The following FAM156A variants were observed in gnomAD, a reference collection of about 807,000 sequenced individuals.
FAM156A encodes protein FAM156A/FAM156B.
chrX:52,987,785 AC>A (rs1930400458), intron 1 of FAM156A, among the ~76,000 whole-genome samples: 1 of 112,335 alleles, frequency 8.9e-6, no homozygotes, highest in African/African-American at 3.2e-5. Flanking sequence ...TTATGTTTAC[AC>A]AAAAATCCAT....
intron 1 of FAM156A, among the ~76,000 whole-genome samples, chrX:52,989,842 G>A (rs1167847240): frequency 8.9e-6 from 1 of 112,378 alleles, no homozygotes; most frequent in Non-Finnish European, 1.9e-5. Flanking sequence ...GATCCAGGCT[G>A]GTGCCCTCAG....
intron 1 of FAM156A, among the ~76,000 whole-genome samples, chrX:52,987,420 C>T (rs953966574): frequency 9.0e-6 from 1 of 111,136 alleles, no homozygotes; most frequent in Non-Finnish European, 1.9e-5. Context: ...CCCAGAAGGT[C>T]GAGGCTGCAG....
intron 1 of FAM156A, among the ~76,000 whole-genome samples, chrX:52,990,167 AAG>A (rs1278672335): frequency 2.7e-5 from 3 of 110,606 alleles, no homozygotes; most frequent in African/African-American, 9.9e-5. Flanking sequence ...GTGAATGTTT[AAG>A]ACTGTTCCTC....
chrX:52,982,649 C>T (rs1181643576), intron 1 of FAM156A, among the ~76,000 whole-genome samples: 3 of 110,612 alleles, frequency 2.7e-5, no homozygotes, highest in African/African-American at 9.9e-5. Context: ...TATCATCTAC[C>T]GTCCTCTAGA....
At chrX:52,977,105 C>CATATATAT (rs59645649) in intron 1 of FAM156A, among the ~76,000 whole-genome samples, 9 of 97,614 alleles carry the variant, frequency 9.2e-5, no homozygotes, top group Non-Finnish European at 1.4e-4. Flanking sequence ...CACACACACA[C>CATATATAT]ATATATATAT....
intron 1 of FAM156A, among the ~76,000 whole-genome samples, chrX:52,986,733 T>A (rs1930319122): frequency 1.8e-5 from 2 of 110,869 alleles, no homozygotes; most frequent in Admixed American, 9.6e-5. Context: ...ACTAAAAAAA[T>A]CCTACACCTT....
intron 1 of FAM156A, among the ~76,000 whole-genome samples, chrX:52,983,672 A>T (rs1556793841): frequency 8.9e-6 from 1 of 112,403 alleles, no homozygotes; most frequent in East Asian, 2.8e-4. Flanking sequence ...GTGAATTCCC[A>T]GTCCCTTTCT....
At chrX:52,989,135 T>A (rs1483934755) in intron 1 of FAM156A, among the ~76,000 whole-genome samples, 1 of 111,434 alleles carries the variant, frequency 9.0e-6, no homozygotes, top group African/African-American at 3.3e-5. Flanking sequence ...AATGACTGCA[T>A]GTGGGTCGCA....
chrX:52,991,695 C>T (rs939522504), intron 1 of FAM156A, among the ~76,000 whole-genome samples: 38 of 112,348 alleles, frequency 3.4e-4, no homozygotes, highest in Non-Finnish European at 6.0e-4. Context: ...AGTATGGGGA[C>T]AATGACAGTT....
At chrX:52,974,968 CCTCAGGTCAGAAGCAAGA>C (rs1929336907) in intron 1 of FAM156A, among the ~76,000 whole-genome samples, 1 of 109,741 alleles carries the variant, frequency 9.1e-6, no homozygotes, top group African/African-American at 3.3e-5. Context: ...GCAGTTAGCT[CCTCAGGTCAGAAGCAAGA>C]CAGAGCAAGC....
chrX:52,994,083 C>T (rs183452445), intron 1 of FAM156A, among the ~76,000 whole-genome samples: 14 of 110,644 alleles, frequency 1.3e-4, no homozygotes, highest in African/African-American at 4.3e-4. Flanking sequence ...GTTCCTGGAC[C>T]GAGACCTCAC....
chrX:52,975,029 C>T (rs1439373724), intron 1 of FAM156A, among the ~76,000 whole-genome samples: 1 of 100,695 alleles, frequency 9.9e-6, no homozygotes, highest in Non-Finnish European at 2.0e-5. Flanking sequence ...TTCAGGTGCG[C>T]CCTCCCTCTC....
At chrX:52,975,345 T>C (rs1463756397) in intron 1 of FAM156A, among the ~76,000 whole-genome samples, 3 of 112,015 alleles carry the variant, frequency 2.7e-5, no homozygotes, top group Non-Finnish European at 5.6e-5. Context: ...ATCTTCAGAA[T>C]GCTCATCAGT....
At chrX:52,976,521 T>C (rs1389624534) in intron 1 of FAM156A, among the ~76,000 whole-genome samples, 2 of 112,184 alleles carry the variant, frequency 1.8e-5, no homozygotes, top group Non-Finnish European at 3.8e-5. Flanking sequence ...GAAAGGAATG[T>C]TATTTCAAAA....
At chrX:52,990,783 AAAAGAAAAGAAAAG>A (rs1930658825) in intron 1 of FAM156A, among the ~76,000 whole-genome samples, 2 of 78,090 alleles carry the variant, frequency 2.6e-5, no homozygotes, top group African/African-American at 4.9e-5. Context: ...GACTGTCAAG[AAAAGAAAAGAAAAG>A]AAAGAAAAGA....
chrX:52,985,576 CA>C (rs56173971), intron 1 of FAM156A, among the ~76,000 whole-genome samples: 272 of 109,249 alleles, frequency 2.5e-3, no homozygotes, highest in African/African-American at 8.4e-3. Flanking sequence ...AGACTGAAAA[CA>C]AAAAAAAGAA....
chrX:52,990,853 A>G (rs191281353), intron 1 of FAM156A, among the ~76,000 whole-genome samples: 8 of 109,428 alleles, frequency 7.3e-5, no homozygotes, highest in Admixed American at 5.8e-4. Context: ...AAAGAAAAGA[A>G]AAGATGCTGG....
intron 1 of FAM156A, among the ~76,000 whole-genome samples, chrX:52,989,247 A>G: frequency 9.0e-6 from 1 of 110,938 alleles, no homozygotes; most frequent in African/African-American, 3.3e-5. Flanking sequence ...ACCCCAGAAC[A>G]CTATAGAGAA....
chrX:52,988,417 AG>A (rs1204827446), intron 1 of FAM156A, among the ~76,000 whole-genome samples: 1 of 110,577 alleles, frequency 9.0e-6, no homozygotes, highest in African/African-American at 3.3e-5. Context: ...GCCAGCGCTT[AG>A]GGGTGGGAGA....
Sources: gnomAD v4.1 joint callset for allele counts (sites outside exome capture counted in the v4.1 genomes callset) on GRCh38, gnomAD v4.1.1 for gene constraint, MANE v1.5 for transcripts, NCBI Gene and HGNC (gene_info 2026-07-23, HGNC 2026-07-21) for gene names.